DIP2C: variants seen among roughly 807,000 people sequenced by gnomAD.
DIP2C encodes disco-interacting protein 2 homolog C.
Under a neutral mutation model 192.4 loss-of-function variants are expected in DIP2C, and 33 were observed. The observed-to-expected ratio is 0.17, with a 90% CI of 0.13 to 0.23. DIP2C has a LOEUF of 0.23. Among genes scored for constraint, DIP2C ranks in the 10% least tolerant of loss-of-function variants. DIP2C has a pLI of 1.00. For synonymous variants in DIP2C, 979 were observed against 864.1 expected (o/e 1.13, Z -2.33); for missense variants, 1,537 against 2,110.1 (o/e 0.73, Z 5.32).
chr10:538,164 G>A (rs956391337), intron 1 of DIP2C, among the ~76,000 whole-genome samples: 1 of 152,068 alleles, frequency 6.6e-6, no homozygotes, highest in Non-Finnish European at 1.5e-5. Flanking sequence ...TGCTTCCCGA[G>A]GAGTTTTCTT....
At chr10:595,487 C>T (rs1044541754) in intron 1 of DIP2C, among the ~76,000 whole-genome samples, 2 of 152,182 alleles carry the variant, frequency 1.3e-5, no homozygotes, top group Admixed American at 6.5e-5. Context: ...AGCACTAACT[C>T]TTCTCACTCA....
At chr10:357,672 G>A (rs946013931) in intron 23 of DIP2C, among the ~76,000 whole-genome samples, 156 bp downstream of exon 23, 3 of 152,030 alleles carry the variant, frequency 2.0e-5, no homozygotes, top group Admixed American at 1.3e-4. Flanking sequence ...CGGGAAAGTC[G>A]GGGACTGTCG....
chr10:483,043 C>T (rs1056036263), intron 2 of DIP2C, among the ~76,000 whole-genome samples: 9 of 152,186 alleles, frequency 5.9e-5, no homozygotes, highest in African/African-American at 1.9e-4. Flanking sequence ...TGCTCAGCAC[C>T]AACGCTCACT....
rs542138599 is a variant in DIP2C at position 379,572 on chromosome 10, C to T, written c.1991+3075G>A. Among the ~76,000 whole-genome samples the T allele has an allele frequency of 2.9e-4, 44 of 152,308 alleles. 1 individual carries two copies. In the South Asian group the frequency reaches 8.5e-3, roughly 29 times the overall value. On this transcript the variant is annotated intron_variant, in intron 17 of 36. Coordinates refer to ENST00000280886, the MANE Select transcript of DIP2C (RefSeq NM_014974.3). ...GCTGGCACCTGCAGCCACTGGGTGG[C>T]TTTCTTGTGAGTGCCTCAGCTTCTG...
chr10:640,669 G>A (rs536527082), intron 1 of DIP2C, among the ~76,000 whole-genome samples: 11 of 140,940 alleles, frequency 7.8e-5, no homozygotes, highest in Non-Finnish European at 1.5e-5. Flanking sequence ...GGGTGCGCGC[G>A]GGGATGAGGG....
At position 349,293 on chromosome 10, in the gene DIP2C, T is replaced by A. The variant is rs1958673909; in HGVS notation, c.3109+38A>T. 3 of 1,586,258 alleles carry A rather than the reference T, an allele frequency of 1.9e-6. No homozygotes were observed. The East Asian group carries it at 6.8e-5, about 36-fold the overall frequency. On this transcript the variant is annotated intron_variant, in intron 25 of 36. Transcript: ENST00000280886. ...CCTCCTCGCACCGCGGCTGACCGGC[T>A]TGCCATCTCTCAGGGGAAGCCCACC...
intron 1 of DIP2C, among the ~76,000 whole-genome samples, chr10:618,664 A>G (rs897770899): frequency 2.6e-5 from 4 of 152,238 alleles, no homozygotes; most frequent in African/African-American, 9.6e-5. Context: ...AAGTTAAAAG[A>G]CTATCACTCA....
chr10:485,499 T>C (rs1843950983), intron 2 of DIP2C, among the ~76,000 whole-genome samples: 1 of 152,098 alleles, frequency 6.6e-6, no homozygotes, highest in African/African-American at 2.4e-5. Flanking sequence ...TACATCACTG[T>C]CTCAAAAATC....
intron 17 of DIP2C, among the ~76,000 whole-genome samples, chr10:382,374 G>A (rs907800482): frequency 5.9e-5 from 9 of 152,156 alleles, no homozygotes; most frequent in South Asian, 2.1e-4. Flanking sequence ...CCAAGGACAC[G>A]GTATTACGAT....
intron 3 of DIP2C, among the ~76,000 whole-genome samples, chr10:463,748 C>T (rs1295458305): frequency 1.3e-5 from 2 of 152,088 alleles, no homozygotes; most frequent in Non-Finnish European, 2.9e-5. Flanking sequence ...AAACTATAGA[C>T]AAGGCTACAG....
intron 1 of DIP2C, among the ~76,000 whole-genome samples, chr10:509,212 C>G (rs1477012571): frequency 6.6e-6 from 1 of 152,102 alleles, no homozygotes; most frequent in Non-Finnish European, 1.5e-5. Flanking sequence ...ACTGATTCAC[C>G]CGGGGAGGGG....
Position 275,804 on chromosome 10 carries a change from C to G in DIP2C, c.*1521G>C, listed in dbSNP as rs957403022. 6.6e-6 allele frequency: 1 copy of G among 152,198 alleles called. No individual in the cohort carries two copies. The allele number at this position is 152,198 out of a possible 1,614,324, so 9.4% of individuals were successfully genotyped here. A position where few individuals can be genotyped will look rare whatever the true frequency, so the allele number is the denominator to read the frequency against. On this transcript the variant is annotated 3_prime_UTR_variant, in exon 37 of 37. Coordinates refer to ENST00000280886, the MANE Select transcript of DIP2C (RefSeq NM_014974.3). ...AAGGTGTGGCCAGGAGCTGCCAGGG[C>G]AGAAACTGGGGCGCACTCGTCCACA...
intron 3 of DIP2C, among the ~76,000 whole-genome samples, chr10:461,139 C>T (rs1004322942): frequency 1.3e-5 from 2 of 152,194 alleles, no homozygotes; most frequent in African/African-American, 2.4e-5. Context: ...GAAACTGCAT[C>T]AACTAATGGG....
chr10:595,127 T>C (rs751967411), intron 1 of DIP2C, among the ~76,000 whole-genome samples: 5 of 152,102 alleles, frequency 3.3e-5, no homozygotes, highest in Non-Finnish European at 5.9e-5. Context: ...GCAAATCCCC[T>C]CTGCAGCAAA....
chr10:305,567 C>T (rs1025938600), intron 32 of DIP2C, among the ~76,000 whole-genome samples: 1 of 152,078 alleles, frequency 6.6e-6, no homozygotes, highest in Non-Finnish European at 1.5e-5. Flanking sequence ...AGGTTACAAG[C>T]CCGGAGGAAG....
chr10:389,331 C>T (rs975576059), intron 13 of DIP2C, among the ~76,000 whole-genome samples: 13 of 152,042 alleles, frequency 8.6e-5, no homozygotes, highest in Admixed American at 2.0e-4. Context: ...TCCCCGGGGT[C>T]GCACCCTCCC....
In DIP2C at chr10:276,488, C is replaced by A. The variant is rs919211849; in HGVS notation, c.*837G>T. 3.9e-5 allele frequency: 6 copies of A among 152,560 alleles called. No homozygotes were observed. Among genetic ancestry groups the A allele is most frequent in the African/African-American group, 1.4e-4 (6 of 41,436 alleles). The allele number at this position is 152,560 out of a possible 1,614,324, so 9.5% of individuals were successfully genotyped here. A position where few individuals can be genotyped will look rare whatever the true frequency, so the allele number is the denominator to read the frequency against. The stretch of plus-strand genomic sequence containing the variant: ...TATATATTTGTTGTGATACTATCCA[C>A]GCAAGATAATACAACACTTTTTTAT... On this transcript the variant is annotated 3_prime_UTR_variant, in exon 37 of 37. Transcript: ENST00000280886.
At chr10:365,131 AG>A in intron 19 of DIP2C, 1 of 426,448 alleles carries the variant, frequency 2.3e-6, no homozygotes, top group Non-Finnish European at 4.8e-6. Context: ...GTTTTTATTT[AG>A]ATTTGTATCC....
intron 1 of DIP2C, chr10:665,653 C>T (rs1207111590): frequency 1.3e-5 from 2 of 152,256 alleles, no homozygotes; most frequent in African/African-American, 2.4e-5. Context: ...ACTGGGACAT[C>T]GTCCTCCACC....
Sources: allele counts gnomAD v4.1 joint callset (sites outside exome capture counted in the v4.1 genomes callset), GRCh38; gene constraint gnomAD v4.1.1; transcripts MANE v1.5; gene names NCBI Gene and HGNC (gene_info 2026-07-23, HGNC 2026-07-21).